Variants in MARCO observed in about 807,000 individuals in gnomAD.
MARCO encodes the protein macrophage receptor with collagenous structure.
Under a neutral mutation model 70.0 loss-of-function variants are expected in MARCO, and 72 were observed. The observed-to-expected ratio is 1.03, with a 90% CI of 0.85 to 1.25. MARCO has a LOEUF of 1.25. MARCO is among the 50% of genes most tolerant of loss of function. MARCO has a pLI of 0.00. For missense variants in MARCO, 696 were observed against 659.3 expected, an observed-to-expected ratio of 1.06 and a Z score of -0.61; for synonymous variants, 273 against 243.1, an observed-to-expected ratio of 1.12 and a Z score of -1.14.
intron 1 of MARCO, among the ~76,000 whole-genome samples, chr2:118,965,756 C>T (rs1680032824): frequency 1.3e-5 from 2 of 152,184 alleles, no homozygotes; most frequent in African/African-American, 4.8e-5. Context: ...GGCTATGGTA[C>T]AATGACAATT....
At chr2:118,969,644 C>A (rs1433818797) in intron 2 of MARCO, among the ~76,000 whole-genome samples, 1 of 152,170 alleles carries the variant, frequency 6.6e-6, no homozygotes, top group South Asian at 2.1e-4. Flanking sequence ...TTGAAGTATT[C>A]CCAATCTAAA....
chr2:118,982,325 T>A, intron 11 of MARCO, 23 bp from the exon 12 acceptor site: 2 of 1,613,338 alleles, frequency 1.2e-6, no homozygotes, highest in Non-Finnish European at 8.5e-7. Flanking sequence ...GCCCTTATGC[T>A]CTCTGTGGTG....
intron 1 of MARCO, among the ~76,000 whole-genome samples, chr2:118,945,633 C>A (rs776274023): frequency 5.9e-4 from 89 of 151,700 alleles, no homozygotes; most frequent in Non-Finnish European, 1.0e-3. Context: ...AGCTGGTGTC[C>A]AACTCCTGAC....
At chr2:118,985,078 C>T (rs1310970630) in intron 12 of MARCO, among the ~76,000 whole-genome samples, 1 of 152,084 alleles carries the variant, frequency 6.6e-6, no homozygotes, top group African/African-American at 2.4e-5. Context: ...GGCACTGTGC[C>T]TGGGTCTTGA....
In MARCO at chr2:118,994,521, C is replaced by A. The variant is rs1453279954; in HGVS notation, c.*1C>A. 6.3e-7 allele frequency: 1 copy of A among 1,577,520 alleles called. No homozygotes were observed. ...CGCAGGCGTGGAGTGCAGCGTCTGA[C>A]CCGGAAACCCTTTCACTTCTCTGCT... On this transcript the variant is annotated 3_prime_UTR_variant, in exon 17 of 17. Transcript: ENST00000327097.
intron 15 of MARCO, 189 bp from the exon 16 acceptor site, chr2:118,992,935 G>A (rs1456564725): frequency 1.7e-6 from 1 of 584,778 alleles, no homozygotes; most frequent in Non-Finnish European, 3.0e-6. Flanking sequence ...GCAGGCCCCA[G>A]GTGCATGGAG....
At chr2:118,948,295 C>T (rs951533879) in intron 1 of MARCO, among the ~76,000 whole-genome samples, 3 of 152,228 alleles carry the variant, frequency 2.0e-5, no homozygotes, top group Non-Finnish European at 4.4e-5. Flanking sequence ...CTGCTGTGTC[C>T]TGCATCTATT....
intron 1 of MARCO, among the ~76,000 whole-genome samples, chr2:118,958,055 G>T (rs1341786292): frequency 6.6e-6 from 1 of 151,872 alleles, no homozygotes; most frequent in African/African-American, 2.4e-5. Flanking sequence ...TACTGAATGG[G>T]GAAAAATTGA....
chr2:118,981,401 T>C lies in MARCO; in HGVS notation c.767-8T>C. The C allele has an allele frequency of 6.3e-7, 1 of 1,594,830 alleles. No homozygotes were observed. The highest frequency in any genetic ancestry group is 8.5e-7 in the Non-Finnish European group (1 of 1,172,600). ...CCCACAACTAACCAAGACTTTTTGG[T>C]TTTTCAGGAAGCAAAGGGGACAGGG... On this transcript the variant is annotated splice_polypyrimidine_tract_variant and splice_region_variant and intron_variant, in intron 8 of 16. Coordinates refer to ENST00000327097, the MANE Select transcript of MARCO (RefSeq NM_006770.4).
intron 1 of MARCO, among the ~76,000 whole-genome samples, chr2:118,943,865 G>A (rs192534635): frequency 8.6e-4 from 131 of 152,302 alleles, no homozygotes; most frequent in African/African-American, 3.0e-3. Context: ...GGAAGGGGCC[G>A]ATGTGGGGCT....
intron 4 of MARCO, among the ~76,000 whole-genome samples, 186 bp downstream of exon 4, chr2:118,971,720 C>T (rs540384786): frequency 6.6e-6 from 1 of 152,350 alleles, no homozygotes; most frequent in African/African-American, 2.4e-5. Flanking sequence ...CTCCCAGACC[C>T]TGGGCTGTCA....
At chr2:118,944,956 A>G (rs578168373) in intron 1 of MARCO, 16 of 152,120 alleles carry the variant, frequency 1.1e-4, no homozygotes, top group African/African-American at 3.9e-4. Context: ...TTTTTATTCT[A>G]GCTTTTTAGG....
At chr2:118,955,824 C>A (rs1190593659) in intron 1 of MARCO, among the ~76,000 whole-genome samples, 2 of 152,182 alleles carry the variant, frequency 1.3e-5, no homozygotes, top group Non-Finnish European at 2.9e-5. Flanking sequence ...AAACAATTAT[C>A]AGCCAAGAAT....
chr2:118,982,100 G>A, intron 10 of MARCO, 56 bp from the exon 11 acceptor site: 3 of 1,278,776 alleles, frequency 2.3e-6, no homozygotes, highest in Admixed American at 2.0e-5. Flanking sequence ...TGGGGGTTGG[G>A]GTATCTGGGC....
At chr2:118,977,575 T>TGGGGG in intron 7 of MARCO, 60 bp downstream of exon 7, 3 of 1,432,644 alleles carry the variant, frequency 2.1e-6, no homozygotes. Context: ...CTGAGGCAGT[T>TGGGGG]CCCCCCCACC....
At chr2:118,991,932 T>C (rs1680630153) in intron 14 of MARCO, 57 bp downstream of exon 14, 2 of 1,235,452 alleles carry the variant, frequency 1.6e-6, no homozygotes, top group South Asian at 1.4e-5. Context: ...CAGCCAGTTC[T>C]GTACCTTAAA....
At chr2:118,962,066 C>G (rs991562497) in intron 1 of MARCO, among the ~76,000 whole-genome samples, 1 of 152,086 alleles carries the variant, frequency 6.6e-6, no homozygotes, top group Non-Finnish European at 1.5e-5. Flanking sequence ...CTATTCTGTT[C>G]CATTAGTCTA....
At chr2:118,974,071 A>G (rs1308793261) in intron 4 of MARCO, among the ~76,000 whole-genome samples, 1 of 152,070 alleles carries the variant, frequency 6.6e-6, no homozygotes, top group Non-Finnish European at 1.5e-5. Flanking sequence ...CAAAATGATG[A>G]TGTAACTTGC....
intron 1 of MARCO, among the ~76,000 whole-genome samples, chr2:118,954,840 C>T (rs1342667353): frequency 1.3e-5 from 2 of 152,116 alleles, no homozygotes; most frequent in Non-Finnish European, 2.9e-5. Context: ...GTTTGACTCA[C>T]AGGAAGCCAC....
Sources: allele counts gnomAD v4.1 joint callset (sites outside exome capture counted in the v4.1 genomes callset), GRCh38; gene constraint gnomAD v4.1.1; transcripts MANE v1.5; gene names NCBI Gene and HGNC (gene_info 2026-07-23, HGNC 2026-07-21).